Variants in TAS2R1 observed in about 807,000 individuals in gnomAD.
The protein encoded by TAS2R1 is taste receptor type 2 member 1.
For synonymous variants in TAS2R1, 141 were observed against 134.2 expected (o/e 1.05, Z -0.35); for missense variants, 370 against 353.4 (o/e 1.05, Z -0.38).
chr5:9,680,449 A>T (rs1293453119), intron 1 of TAS2R1, among the ~76,000 whole-genome samples: 1 of 152,216 alleles, frequency 6.6e-6, no homozygotes, highest in Non-Finnish European at 1.5e-5. Flanking sequence ...AACTGTATAG[A>T]GGAGAAACCT....
chr5:9,706,325 T>A (rs1741609886), intron 1 of TAS2R1, among the ~76,000 whole-genome samples: 2 of 152,182 alleles, frequency 1.3e-5, no homozygotes. Flanking sequence ...TGGCCTGGCC[T>A]GCGAAGCCAC....
the TAS2R1 span, among the ~76,000 whole-genome samples, chr5:9,755,459 C>T: frequency 6.6e-6 from 1 of 151,698 alleles, no homozygotes; most frequent in South Asian, 2.1e-4. Flanking sequence ...TGGTAGCGTG[C>T]GCCTGTAATC....
chr5:9,901,989 T>A, the TAS2R1 span, among the ~76,000 whole-genome samples: 1 of 152,088 alleles, frequency 6.6e-6, no homozygotes, highest in Non-Finnish European at 1.5e-5. Flanking sequence ...CTCGCTGGAC[T>A]GCAAGATGCT....
chr5:9,857,113 G>A, the TAS2R1 span, among the ~76,000 whole-genome samples: 1 of 152,172 alleles, frequency 6.6e-6, no homozygotes, highest in African/African-American at 2.4e-5. Context: ...TGGAAGCATA[G>A]AGTAGAATTG....
the TAS2R1 span, among the ~76,000 whole-genome samples, chr5:9,748,777 G>T: frequency 6.6e-6 from 1 of 152,054 alleles, no homozygotes; most frequent in Admixed American, 6.5e-5. Flanking sequence ...CCAACACTGG[G>T]GATAAAATTT....
the TAS2R1 span, among the ~76,000 whole-genome samples, chr5:9,802,852 G>T: frequency 6.6e-6 from 1 of 152,072 alleles, no homozygotes; most frequent in African/African-American, 2.4e-5. Flanking sequence ...GCAGTGAGCC[G>T]AGATCGCGCC....
the TAS2R1 span, among the ~76,000 whole-genome samples, chr5:9,743,814 G>GC: frequency 6.6e-6 from 1 of 152,094 alleles, no homozygotes; most frequent in Admixed American, 6.6e-5. Context: ...GTTACCAAAG[G>GC]CAAGTGAGGA....
At chr5:9,702,223 A>G (rs1208995306) in intron 1 of TAS2R1, among the ~76,000 whole-genome samples, 1 of 152,242 alleles carries the variant, frequency 6.6e-6, no homozygotes. Flanking sequence ...GGTGTAAAAC[A>G]AGGCATTTAT....
the TAS2R1 span, among the ~76,000 whole-genome samples, chr5:9,752,759 T>C: frequency 6.6e-6 from 1 of 150,834 alleles, no homozygotes; most frequent in Non-Finnish European, 1.5e-5. Flanking sequence ...CCACGTGTTC[T>C]CATTGCTCAA....
the TAS2R1 span, among the ~76,000 whole-genome samples, chr5:9,778,893 G>A: frequency 6.6e-6 from 1 of 152,242 alleles, no homozygotes; most frequent in African/African-American, 2.4e-5. Context: ...TCACGGGAGT[G>A]GCACTTTTAA....
chr5:9,718,590 C>T, the TAS2R1 span, among the ~76,000 whole-genome samples: 69 of 152,174 alleles, frequency 4.5e-4, 1 homozygote, highest in African/African-American at 1.6e-3. Flanking sequence ...GAGTTTAAGA[C>T]CAGCCTGAGC....
chr5:9,735,283 C>T, the TAS2R1 span, among the ~76,000 whole-genome samples: 3 of 151,406 alleles, frequency 2.0e-5, no homozygotes, highest in Non-Finnish European at 4.4e-5. Flanking sequence ...ATTCTAACAT[C>T]TTGATTTACT....
chr5:9,845,153 C>T, the TAS2R1 span, among the ~76,000 whole-genome samples: 2 of 152,024 alleles, frequency 1.3e-5, no homozygotes, highest in African/African-American at 4.8e-5. Context: ...GGGAGTGGAG[C>T]CCTCATGATG....
the TAS2R1 span, among the ~76,000 whole-genome samples, chr5:9,874,833 T>C: frequency 1.3e-5 from 2 of 152,160 alleles, no homozygotes; most frequent in African/African-American, 4.8e-5. Flanking sequence ...GTAGACCACA[T>C]GGTGACCTCC....
intron 1 of TAS2R1, among the ~76,000 whole-genome samples, chr5:9,674,921 G>C (rs1338901757): frequency 6.6e-6 from 1 of 151,876 alleles, no homozygotes; most frequent in Non-Finnish European, 1.5e-5. Flanking sequence ...TAAAACTGTA[G>C]CTGACATTCT....
chr5:9,891,709 C>T, the TAS2R1 span, among the ~76,000 whole-genome samples: 1 of 152,312 alleles, frequency 6.6e-6, no homozygotes, highest in South Asian at 2.1e-4. Flanking sequence ...TCATTCTCTG[C>T]AGATGGAAGC....
chr5:9,657,268 A>G (rs968365972), intron 2 of TAS2R1, among the ~76,000 whole-genome samples: 1 of 152,162 alleles, frequency 6.6e-6, no homozygotes, highest in African/African-American at 2.4e-5. Context: ...TGTAATTTCA[A>G]ACAACCAAAA....
chr5:9,875,832 G>A, the TAS2R1 span, among the ~76,000 whole-genome samples: 1 of 152,226 alleles, frequency 6.6e-6, no homozygotes, highest in African/African-American at 2.4e-5. Context: ...GTCCTGTGGG[G>A]AGACACCTTG....
the TAS2R1 span, among the ~76,000 whole-genome samples, chr5:9,841,799 T>C: frequency 6.6e-6 from 1 of 152,216 alleles, no homozygotes; most frequent in South Asian, 2.1e-4. Flanking sequence ...GCAAGCTTTC[T>C]TAGTGTTTGC....
Sources: gnomAD v4.1 joint callset for allele counts (sites outside exome capture counted in the v4.1 genomes callset) on GRCh38, gnomAD v4.1.1 for gene constraint, MANE v1.5 for transcripts, NCBI Gene and HGNC (gene_info 2026-07-23, HGNC 2026-07-21) for gene names.